The following GTF2F2 variants were observed in gnomAD, a reference collection of about 807,000 sequenced individuals.
GTF2F2 encodes the protein ATP-dependent helicase GTF2F2.
GTF2F2 carries 23 observed loss-of-function variants against 42.2 expected under a neutral mutation model. The observed-to-expected ratio is 0.55, with a 90% CI of 0.39 to 0.77. GTF2F2 has a LOEUF of 0.77. GTF2F2 is among the 30% of genes least tolerant of loss of function. The pLI, the probability that GTF2F2 is intolerant of heterozygous loss-of-function variation, is 0.00. For missense variants in GTF2F2, 261 were observed against 287.2 expected (o/e 0.91, Z 0.66); for synonymous variants, 105 against 100.8 (o/e 1.04, Z -0.25).
intron 1 of GTF2F2, among the ~76,000 whole-genome samples, chr13:45,134,360 G>A (rs1022163418): frequency 6.6e-5 from 10 of 152,176 alleles, no homozygotes; most frequent in African/African-American, 2.4e-4. Context: ...TATGCTCTTC[G>A]GGAGCTGCCT....
intron 4 of GTF2F2, among the ~76,000 whole-genome samples, chr13:45,169,841 T>C (rs1871504618): frequency 2.0e-5 from 3 of 152,204 alleles, no homozygotes; most frequent in Non-Finnish European, 4.4e-5. Context: ...TATTCCCTTT[T>C]AAATATAGAT....
At chr13:45,236,510 C>T (rs1465005859) in intron 5 of GTF2F2, among the ~76,000 whole-genome samples, 1 of 151,698 alleles carries the variant, frequency 6.6e-6, no homozygotes, top group African/African-American at 2.4e-5. Context: ...CACACACACA[C>T]ACACACACAC....
intron 5 of GTF2F2, among the ~76,000 whole-genome samples, chr13:45,209,613 C>A (rs1424994571): frequency 6.6e-6 from 1 of 152,058 alleles, no homozygotes; most frequent in Non-Finnish European, 1.5e-5. Flanking sequence ...CTTTAGGGAC[C>A]TGTGTGTGGT....
intron 5 of GTF2F2, among the ~76,000 whole-genome samples, chr13:45,250,051 CT>C (rs780347641): frequency 0.13 from 13,031 of 101,160 alleles, 203 homozygotes; most frequent in Non-Finnish European, 0.15. Flanking sequence ...TGCCTTATCT[CT>C]TTTTTTTTTT....
chr13:45,275,467 G>A (rs961149737), intron 7 of GTF2F2, among the ~76,000 whole-genome samples: 1 of 96,192 alleles, frequency 1.0e-5, no homozygotes, highest in Non-Finnish European at 2.0e-5. Flanking sequence ...CCCACCCCAC[G>A]ACAGGCCCTA....
intron 7 of GTF2F2, among the ~76,000 whole-genome samples, chr13:45,269,657 G>T (rs748448765): frequency 3.3e-5 from 5 of 152,164 alleles, no homozygotes; most frequent in Non-Finnish European, 5.9e-5. Flanking sequence ...AAAGAACCTG[G>T]ATTTGGAGTA....
At chr13:45,194,091 A>G in intron 4 of GTF2F2, 1 of 1,614,130 alleles carries the variant, frequency 6.2e-7, no homozygotes, top group Non-Finnish European at 8.5e-7. Context: ...CAGGAGCATT[A>G]CAGAAGATTC....
chr13:45,123,127 C>G (rs1175219124), intron 1 of GTF2F2: 1 of 152,118 alleles, frequency 6.6e-6, no homozygotes, highest in African/African-American at 2.4e-5. Flanking sequence ...ACATCTGTCA[C>G]CCCATTGATT....
intron 4 of GTF2F2, among the ~76,000 whole-genome samples, chr13:45,175,513 A>G (rs998298748): frequency 6.6e-6 from 1 of 152,078 alleles, no homozygotes; most frequent in Admixed American, 6.6e-5. Flanking sequence ...TTTTTTATAT[A>G]TGTTTTATGT....
At chr13:45,153,776 G>A (rs569912964) in intron 4 of GTF2F2, among the ~76,000 whole-genome samples, 1 of 152,030 alleles carries the variant, frequency 6.6e-6, no homozygotes, top group East Asian at 1.9e-4. Flanking sequence ...CCAGGAGTCC[G>A]AGACTAACCA....
intron 5 of GTF2F2, among the ~76,000 whole-genome samples, chr13:45,245,824 C>T (rs2138239588): frequency 6.9e-6 from 1 of 145,666 alleles, no homozygotes; most frequent in South Asian, 2.2e-4. Context: ...GCCTGCAGTC[C>T]CAGCTACTCG....
At position 45,228,163 on chromosome 13, in the gene GTF2F2, C is replaced by T. The variant is rs148883415; in HGVS notation, c.386+20658C>T. Reference sequence around the variant, plus strand: ...TTGTCCGCTTACCATGCTCACACACCGTTCTTCCCTTTAACCGACGGGCAC... The same window carrying T: ...TTGTCCGCTTACCATGCTCACACACTGTTCTTCCCTTTAACCGACGGGCAC... On this transcript the variant is annotated intron_variant, in intron 5 of 7. Transcript: ENST00000340473. Among the ~76,000 whole-genome samples, 186 of 151,686 alleles carry T rather than the reference C, an allele frequency of 1.2e-3. 1 individual carries two copies. The highest frequency in any genetic ancestry group is 4.2e-3 in the African/African-American group (175 of 41,258).
rs1013019640 is a variant in GTF2F2 at position 45,184,389 on chromosome 13, C to T, written c.305-23035C>T. On this transcript the variant is annotated intron_variant, in intron 4 of 7. Coordinates refer to ENST00000340473, the MANE Select transcript of GTF2F2 (RefSeq NM_004128.3). Reference sequence around the variant, plus strand: ...GTGAAGTCTTTTTTAACTTTATTCCCCCCCGCCCTTTTTTTTTGAGACAGG... The same window carrying T: ...GTGAAGTCTTTTTTAACTTTATTCCTCCCCGCCCTTTTTTTTTGAGACAGG... 1.4e-4 allele frequency among the ~76,000 whole-genome samples: 21 copies of T among 147,708 alleles called. 1 individual carries two copies. The highest frequency in any genetic ancestry group is 5.0e-4 in the African/African-American group (19 of 38,134).
chr13:45,148,045 T>C (rs9590874), intron 2 of GTF2F2, among the ~76,000 whole-genome samples: 53,599 of 152,094 alleles, frequency 0.35, 12,924 homozygotes, highest in African/African-American at 0.69. Flanking sequence ...CAAGGATCCA[T>C]ACTTAATACT....
At chr13:45,191,891 A>G (rs1217239937) in intron 4 of GTF2F2, among the ~76,000 whole-genome samples, 1 of 152,142 alleles carries the variant, frequency 6.6e-6, no homozygotes, top group Non-Finnish European at 1.5e-5. Context: ...TGGATTTGAT[A>G]AAAAACCTTA....
intron 2 of GTF2F2, among the ~76,000 whole-genome samples, chr13:45,147,241 A>G (rs781305325): frequency 3.9e-5 from 6 of 152,142 alleles, no homozygotes; most frequent in Non-Finnish European, 7.4e-5. Flanking sequence ...ATGACCTGCT[A>G]TGTATCTCTT....
Position 45,273,655 on chromosome 13 carries a change from A to ATTTT in GTF2F2, c.630+6293_630+6296dup, listed in dbSNP as rs773254844. ...CCACTTGATTTTAAAGAGTGGTAAA[A>ATTTT]TTTTTTTTTTTTTTTTTGAGACGGA... On this transcript the variant is annotated intron_variant, in intron 7 of 7. Transcript: ENST00000340473. 5.9e-4 allele frequency among the ~76,000 whole-genome samples: 73 copies of ATTTT among 123,884 alleles called. 1 individual carries two copies. The highest frequency in any genetic ancestry group is 2.5e-3 in the African/African-American group (71 of 28,408). The allele number at this position is 123,884 out of a possible 152,430, so 81.3% of individuals were successfully genotyped here.
intron 5 of GTF2F2, among the ~76,000 whole-genome samples, chr13:45,248,342 G>T (rs963405855): frequency 1.3e-5 from 2 of 152,068 alleles, no homozygotes; most frequent in African/African-American, 2.4e-5. Flanking sequence ...ACACCAGAAG[G>T]CATGGTTAGT....
At chr13:45,150,552 A>G (rs1201723422) in intron 3 of GTF2F2, among the ~76,000 whole-genome samples, 1 of 150,788 alleles carries the variant, frequency 6.6e-6, no homozygotes, top group Non-Finnish European at 1.5e-5. Context: ...CAGCAATATT[A>G]TTTTCCTTCT....
Sources: gnomAD v4.1 joint callset for allele counts (sites outside exome capture counted in the v4.1 genomes callset) on GRCh38, gnomAD v4.1.1 for gene constraint, MANE v1.5 for transcripts, NCBI Gene and HGNC (gene_info 2026-07-23, HGNC 2026-07-21) for gene names.